The following SENP2 variants were observed in gnomAD, a reference collection of about 807,000 sequenced individuals.
The protein encoded by SENP2 is SUMO specific peptidase 2.
A neutral mutation model predicts 86.3 loss-of-function variants in SENP2; 16 were observed. The ratio of observed to expected loss-of-function variants is 0.19; its 90% CI spans 0.13 to 0.28. The LOEUF is 0.28. SENP2 is among the 10% of genes least tolerant of loss of function. The pLI is 1.00. For missense variants in SENP2, 552 were observed against 703.0 expected, an observed-to-expected ratio of 0.79 and a Z score of 2.43; for synonymous variants, 222 against 238.7, an observed-to-expected ratio of 0.93 and a Z score of 0.64.
intron 2 of SENP2, among the ~76,000 whole-genome samples, chr3:185,592,074 A>G (rs1168318607): frequency 6.2e-5 from 4 of 64,804 alleles, no homozygotes; most frequent in African/African-American, 2.3e-4. Context: ...GTCATCAACA[A>G]TTTTTTTTTT....
chr3:185,624,133 T>C (rs766943659), intron 15 of SENP2, 51 bp downstream of exon 15: 2 of 1,302,080 alleles, frequency 1.5e-6, no homozygotes, highest in Non-Finnish European at 2.2e-6. Flanking sequence ...TTACTAATAG[T>C]ATATTATCTA....
At chr3:185,589,997 C>A in intron 1 of SENP2, 117 bp from the exon 2 acceptor site, 1 of 523,330 alleles carries the variant, frequency 1.9e-6, no homozygotes, top group Non-Finnish European at 3.2e-6. Flanking sequence ...TCAGTTGGAT[C>A]TCATTTTATG....
chr3:185,606,145 T>C (rs1039291017), intron 5 of SENP2, among the ~76,000 whole-genome samples, 185 bp from the exon 6 acceptor site: 1 of 152,048 alleles, frequency 6.6e-6, no homozygotes, highest in African/African-American at 2.4e-5. Flanking sequence ...AGACATTCCA[T>C]AGTGGAATGC....
At position 185,619,521 on chromosome 3, in the gene SENP2, T is replaced by A. The variant is rs1389882789; in HGVS notation, c.1446+19T>A. The A allele has an allele frequency of 6.2e-7, 1 of 1,606,746 alleles. No individual in the cohort carries two copies. The highest frequency in any genetic ancestry group is 1.3e-5 in the African/African-American group (1 of 74,682). ...CCTGGTGGTGAGTAGAGAGGGTTAATGGTTAATTGTTGGACTTGGATAAAG... is the reference window on the plus strand; with the variant it reads ...CCTGGTGGTGAGTAGAGAGGGTTAAAGGTTAATTGTTGGACTTGGATAAAG... On this transcript the variant is annotated intron_variant, in intron 13 of 16. Coordinates refer to ENST00000296257, the MANE Select transcript of SENP2 (RefSeq NM_021627.3).
chr3:185,611,488 C>G (rs1382954423), intron 7 of SENP2, 163 bp from the exon 8 acceptor site: 2 of 511,492 alleles, frequency 3.9e-6, no homozygotes, highest in African/African-American at 3.8e-5. Flanking sequence ...TGATTAGACT[C>G]CTTTTATCCT....
intron 6 of SENP2, 138 bp from the exon 7 acceptor site, chr3:185,609,109 G>A (rs987058850): frequency 3.4e-6 from 2 of 589,938 alleles, no homozygotes; most frequent in Non-Finnish European, 2.9e-6. Flanking sequence ...TTTAAAAAAT[G>A]TATAAAGTTA....
At chr3:185,621,230 CAAAA>C (rs535814173) in intron 13 of SENP2, among the ~76,000 whole-genome samples, 1 of 67,228 alleles carries the variant, frequency 1.5e-5, no homozygotes, top group Non-Finnish European at 2.9e-5. Flanking sequence ...ATAAAGAAAG[CAAAA>C]AAAAAAAAAA....
At chr3:185,613,245 A>G in intron 9 of SENP2, 100 bp from the exon 10 acceptor site, 1 of 768,326 alleles carries the variant, frequency 1.3e-6, no homozygotes, top group East Asian at 2.5e-5. Flanking sequence ...ACTCAACACA[A>G]TTTTTATGTA....
At chr3:185,602,097 G>GTTTATTAT in intron 5 of SENP2, among the ~76,000 whole-genome samples, 1 of 151,928 alleles carries the variant, frequency 6.6e-6, no homozygotes, top group East Asian at 1.9e-4. Flanking sequence ...CTCTAAAGCT[G>GTTTATTAT]TTTATTATTT....
At chr3:185,598,683 A>G (rs1170375162) in intron 3 of SENP2, 138 bp downstream of exon 3, 1 of 861,494 alleles carries the variant, frequency 1.2e-6, no homozygotes, top group Non-Finnish European at 1.7e-6. Context: ...GCTGTGCTAT[A>G]AAGGCCAAGA....
At chr3:185,609,389 TTTTG>T (rs746397450) in intron 7 of SENP2, 39 bp downstream of exon 7, 15 of 1,435,208 alleles carry the variant, frequency 1.0e-5, no homozygotes, top group East Asian at 9.1e-5. Context: ...GCTAGGCATC[TTTTG>T]TTTGTTTGTT....
intron 6 of SENP2, among the ~76,000 whole-genome samples, chr3:185,607,317 TTC>T (rs1301149575): frequency 2.1e-5 from 3 of 141,336 alleles, no homozygotes; most frequent in Non-Finnish European, 4.7e-5. Context: ...TAAGATTAGA[TTC>T]TTTTTTTTTT....
intron 13 of SENP2, among the ~76,000 whole-genome samples, chr3:185,621,113 C>T (rs1022869694): frequency 4.7e-5 from 6 of 127,744 alleles, no homozygotes; most frequent in Non-Finnish European, 7.9e-5. Context: ...GCCGTGATCA[C>T]ACCACTGCAC....
At chr3:185,623,106 C>T (rs540250337) in intron 14 of SENP2, among the ~76,000 whole-genome samples, 1 of 151,838 alleles carries the variant, frequency 6.6e-6, no homozygotes, top group African/African-American at 2.4e-5. Context: ...CGTGAGCCAC[C>T]GTGCCCGGTG....
chr3:185,594,779 C>A lies in SENP2; in HGVS notation c.158-3633C>A, dbSNP rs988490767. ...GGATTACAGGTGTGCACCACCATGC[C>A]CAGCTAATTTTTATATTTTAGTAGA... On this transcript the variant is annotated intron_variant, in intron 2 of 16. Coordinates refer to ENST00000296257, the MANE Select transcript of SENP2 (RefSeq NM_021627.3). Among the ~76,000 whole-genome samples, 50 of 152,046 alleles carry A rather than the reference C, an allele frequency of 3.3e-4. 1 individual carries two copies. The highest frequency in any genetic ancestry group is 8.8e-5 in the Non-Finnish European group (6 of 67,996).
intron 13 of SENP2, among the ~76,000 whole-genome samples, chr3:185,621,312 C>T (rs537465419): frequency 8.3e-5 from 11 of 133,096 alleles, no homozygotes; most frequent in Admixed American, 1.6e-4. Flanking sequence ...ACTAAAGATA[C>T]GTAAGACACA....
At position 185,609,291 on chromosome 3, in the gene SENP2, A is replaced by G; in HGVS notation, c.663A>G (p.Glu221=). Residue 221 remains glutamate, a synonymous_variant, in exon 7 of 17, where the codon GAA becomes GAG. Coordinates refer to ENST00000296257, the MANE Select transcript of SENP2 (RefSeq NM_021627.3). ...GAGAGAAGTACCGAAAGTTATTGGAACGACTTAAAGAAAGTGGTCATGGAA... is the reference window on the plus strand; with the variant it reads ...GAGAGAAGTACCGAAAGTTATTGGAGCGACTTAAAGAAAGTGGTCATGGAA... The part of the protein sequence containing the change: ...EEREKYRKLL[E]RLKESGHGNS... 1 of 1,613,904 alleles carries G rather than the reference A, an allele frequency of 6.2e-7. No individual in the cohort carries two copies. The highest frequency in any genetic ancestry group is 8.5e-7 in the Non-Finnish European group (1 of 1,179,872).
In SENP2 at chr3:185,631,869, T is replaced by C. The variant is rs1712495522; in HGVS notation, c.*2025T>C. On this transcript the variant is annotated 3_prime_UTR_variant, in exon 17 of 17. Transcript: ENST00000296257. Reference sequence around the variant, plus strand: ...CGTGAATGATGCTGAGCTTAATGTATTATTTTGAGGGGCTTCTTCAGAGCA... The same window carrying C: ...CGTGAATGATGCTGAGCTTAATGTACTATTTTGAGGGGCTTCTTCAGAGCA... 6.6e-6 allele frequency: 1 copy of C among 151,066 alleles called. No homozygotes were observed. Among genetic ancestry groups the C allele is most frequent in the African/African-American group, 2.4e-5 (1 of 41,056 alleles). The allele number at this position is 151,066 out of a possible 1,614,324, so 9.4% of individuals were successfully genotyped here.
rs1446271121 is a variant in SENP2, at chr3:185,632,256, G to C, written c.*2412G>C. The C allele has an allele frequency of 5.2e-5, 1 of 19,346 alleles. No homozygotes were observed. The highest frequency in any genetic ancestry group is 5.0e-4 in the Admixed American group (1 of 2,002). 1.2% of individuals were successfully genotyped at this position (19,346 alleles called of 1,614,324 possible). ...TTTTTTGTTTTTTTTTTTTTTTTTT[G>C]CGACAGAGTCTCTTGTCGCCCAGGC... On this transcript the variant is annotated 3_prime_UTR_variant, in exon 17 of 17. Transcript: ENST00000296257.
Sources: allele counts gnomAD v4.1 joint callset (sites outside exome capture counted in the v4.1 genomes callset), GRCh38; gene constraint gnomAD v4.1.1; transcripts MANE v1.5; gene names NCBI Gene and HGNC (gene_info 2026-07-23, HGNC 2026-07-21).